Variants in NT5DC2 observed in about 807,000 individuals in gnomAD.
NT5DC2 encodes 5'-nucleotidase domain-containing protein 2.
In NT5DC2, 41 loss-of-function variants were observed where a neutral mutation model predicts 70.0. The ratio of observed to expected loss-of-function variants is 0.59; its 90% confidence interval spans 0.46 to 0.76. NT5DC2 has a LOEUF of 0.76. NT5DC2 is among the 30% of genes least tolerant of loss of function. The pLI, the probability that NT5DC2 is intolerant of heterozygous loss-of-function variation, is 0.00. For synonymous variants in NT5DC2, 299 were observed against 310.4 expected (o/e 0.96, Z 0.39); for missense variants, 705 against 783.2 (o/e 0.90, Z 1.19).
chr3:52,529,120 GTTTGTTGGT>G lies in NT5DC2; in HGVS notation c.417+21_417+29del. ...GGTCTGGCCAGCCTCCAAGCCCTGG[GTTTGTTGGT>G]GGCAAGGACCCCCGTCTCACCTTGT... On this transcript the variant is annotated intron_variant, in intron 2 of 13. Transcript: ENST00000422318. This position sits in a 1 kb window ranked among gnomAD's most constrained non-coding sequence, Gnocchi z 4.1. 1 of 1,613,424 alleles carries G rather than the reference GTTTGTTGGT, an allele frequency of 6.2e-7. No homozygotes were observed. Among genetic ancestry groups the G allele is most frequent in the Non-Finnish European group, 8.5e-7 (1 of 1,179,470 alleles).
upstream of NT5DC2, chr3:52,534,307 C>T: frequency 3.0e-6 from 2 of 663,574 alleles, no homozygotes; most frequent in Non-Finnish European, 5.3e-6. Context: ...TCTCTGGGCT[C>T]GGACTGACTG....
Position 52,533,807 on chromosome 3 carries a change from G to T in NT5DC2, c.-70C>A. On this transcript the variant is annotated 5_prime_UTR_variant, in exon 1 of 14. Transcript: ENST00000422318. ...CGCCGCCCGCCGCCCGCCGCCCTCC[G>T]ACTGCGCGCCCGCCACGGTGGCCTC... is the stretch of plus-strand genomic sequence containing the variant. 3 of 977,678 alleles carry T rather than the reference G, an allele frequency of 3.1e-6. No individual in the cohort carries two copies. In the South Asian group the frequency reaches 1.4e-4, roughly 45 times the overall value. The allele number at this position is 977,678 out of a possible 1,614,324, so 60.6% of individuals were successfully genotyped here. A position where few individuals can be genotyped will look rare whatever the true frequency, so the allele number is the denominator to read the frequency against.
intron 9 of NT5DC2, 88 bp downstream of exon 9, chr3:52,527,529 G>A: frequency 1.3e-6 from 2 of 1,500,394 alleles, no homozygotes; most frequent in Non-Finnish European, 1.8e-6. Context: ...GTGGGCAAGG[G>A]CCAGGTTGGC....
At position 52,533,789 on chromosome 3, in the gene NT5DC2, C is replaced by T; in HGVS notation, c.-52G>A. On this transcript the variant is annotated 5_prime_UTR_variant, in exon 1 of 14. Coordinates refer to ENST00000422318, the MANE Select transcript of NT5DC2 (RefSeq NM_001134231.2). ...CGCTGCCCTCGGCCAGCCCGCCGCC[C>T]GCCGCCCGCCGCCCTCCGACTGCGC... 1.0e-6 allele frequency: 1 copy of T among 974,386 alleles called. No homozygotes were observed. 60.4% of individuals were successfully genotyped at this position (974,386 alleles called of 1,614,324 possible).
chr3:52,524,504 G>T lies in NT5DC2; in HGVS notation c.1640C>A (p.Thr547Asn), dbSNP rs1575380581. ...GTGGGCCATGTCACCAAGGAAGGGG[G>T]TCTTCATGCAGCCGGTGCAGAGCTG... is the stretch of plus-strand genomic sequence containing the variant. ...MDQLCTGCMK[T>N]PFLGDMAHIR The change falls in exon 14 of 14, where the codon ACC (threonine) becomes AAC (asparagine). Residue 547 changes from threonine (T) to asparagine (N), a missense_variant. Coordinates refer to ENST00000422318, the MANE Select transcript of NT5DC2 (RefSeq NM_001134231.2). The T allele has an allele frequency of 6.2e-7, 1 of 1,612,952 alleles. No homozygotes were observed. The highest frequency in any genetic ancestry group is 8.5e-7 in the Non-Finnish European group (1 of 1,180,020).
At chr3:52,532,498 C>A in intron 1 of NT5DC2, 2 of 985,430 alleles carry the variant, frequency 2.0e-6, no homozygotes, top group Non-Finnish European at 2.4e-6. Context: ...TTCTCCGCCA[C>A]CCCACAAAGC....
intron 10 of NT5DC2, chr3:52,526,287 G>C (rs2079269391): frequency 6.6e-6 from 1 of 152,570 alleles, no homozygotes. Context: ...GGGAGGCAGA[G>C]AAGTGGGCAG....
chr3:52,533,470 G>A lies in NT5DC2; in HGVS notation c.232+36C>T, dbSNP rs756988048. On this transcript the variant is annotated intron_variant, in intron 1 of 13. Coordinates refer to ENST00000422318, the MANE Select transcript of NT5DC2 (RefSeq NM_001134231.2). ...GGTCCGTCCATCAGTCCACGCGGAA[G>A]ACACCCCGGCGCACGTCCCGCCCCG... 5 of 1,487,760 alleles carry A rather than the reference G, an allele frequency of 3.4e-6. No homozygotes were observed. In the South Asian group the frequency reaches 6.2e-5, roughly 18 times the overall value. 92.2% of individuals were successfully genotyped at this position (1,487,760 alleles called of 1,614,324 possible). A position where few individuals can be genotyped will look rare whatever the true frequency, so the allele number is the denominator to read the frequency against.
In NT5DC2 at chr3:52,529,360, A is replaced by G. The variant is rs1407499963; in HGVS notation, c.233-26T>C. 1 of 1,607,204 alleles carries G rather than the reference A, an allele frequency of 6.2e-7. No individual in the cohort carries two copies. Among genetic ancestry groups the G allele is most frequent in the Non-Finnish European group, 8.5e-7 (1 of 1,175,954 alleles). On this transcript the variant is annotated intron_variant, in intron 1 of 13. Transcript: ENST00000422318. This position sits in a 1 kb window ranked among gnomAD's most constrained non-coding sequence, Gnocchi z 4.1. ...CTAGAGGAAGGAGATGCAGGGAGGC[A>G]GTGATGGGGATGATGATCCCTGCAG...
In NT5DC2 at chr3:52,528,040, T is replaced by C; in HGVS notation, c.805A>G (p.Met269Val). 1 of 1,612,258 alleles carries C rather than the reference T, an allele frequency of 6.2e-7. No homozygotes were observed. Among genetic ancestry groups the C allele is most frequent in the Non-Finnish European group, 8.5e-7 (1 of 1,179,542 alleles). Residue 269 changes from methionine to valine, a missense_variant, in exon 7 of 14, where the codon ATG becomes GTG. Met to Val is a conservative substitution (Grantham distance 21). Coordinates refer to ENST00000422318, the MANE Select transcript of NT5DC2 (RefSeq NM_001134231.2). ...AIRDVHVKGL[M>V]YQWIEQDMEK... ...ATGTCCTGCTCGATCCACTGGTACA[T>C]GAGGCCCTTCACATGCACGTCTCGG...
chr3:52,534,621 T>A, upstream of NT5DC2: 1 of 1,613,904 alleles, frequency 6.2e-7, no homozygotes, highest in South Asian at 1.1e-5. Context: ...ACAAAATTCC[T>A]CTTTCCTGCG....
chr3:52,534,968 G>A (rs563573487), upstream of NT5DC2: 22 of 342,680 alleles, frequency 6.4e-5, no homozygotes, highest in Admixed American at 9.3e-4. Context: ...CTGGCCACAA[G>A]TGAACCTCCT....
At chr3:52,528,720 T>C (rs2079317981) in intron 3 of NT5DC2, 28 bp from the exon 4 acceptor site, 3 of 1,608,204 alleles carry the variant, frequency 1.9e-6, no homozygotes, top group East Asian at 4.5e-5. Flanking sequence ...GCAGGACGGA[T>C]GGTGAGGAGG....
intron 1 of NT5DC2, chr3:52,532,624 G>A: frequency 2.3e-6 from 1 of 438,376 alleles, no homozygotes; most frequent in South Asian, 9.6e-5. Flanking sequence ...CTCCTGCCCT[G>A]CTTGGCCTGG....
chr3:52,527,628 A>G lies in NT5DC2; in HGVS notation c.1026T>C (p.Thr342=). 6.2e-7 allele frequency: 1 copy of G among 1,612,872 alleles called. No homozygotes were observed. Among genetic ancestry groups the G allele is most frequent in the Non-Finnish European group, 8.5e-7 (1 of 1,179,948 alleles). The part of the protein sequence containing the change: ...IVQADKPSFF[T]DRRKPFRKLD... ...CACCATGCCCATACTTGCGCCGGTC[A>G]GTGAAGAAGCTGGGCTTGTCTGCCT... The change falls in exon 9 of 14, where the codon ACT becomes ACC. Residue 342 remains threonine, a synonymous_variant. Transcript: ENST00000422318.
Position 52,524,968 on chromosome 3 carries a change from T to C in NT5DC2, c.1342A>G (p.Met448Val). 1 of 1,612,004 alleles carries C rather than the reference T, an allele frequency of 6.2e-7. No individual in the cohort carries two copies. Among genetic ancestry groups the C allele is most frequent in the Non-Finnish European group, 8.5e-7 (1 of 1,179,712 alleles). Residue 448 changes from methionine (M) to valine (V), a missense_variant, in exon 12 of 14, where the codon ATG becomes GTG. Physicochemically the swap from Met to Val is conservative, Grantham distance 21. Transcript: ENST00000422318. ...QQALTGLLER[M>V]QTYQDAESRQ... is the part of the protein sequence containing the mutation. Reference sequence around the variant, plus strand: ...ACAGCCACCCCGGCCCACACCTGCATGCGCTCCAGCAGCCCCGTGAGCGCC... The same window carrying C: ...ACAGCCACCCCGGCCCACACCTGCACGCGCTCCAGCAGCCCCGTGAGCGCC...
rs779855497 is a variant in NT5DC2, at chr3:52,525,308, G to A, written c.1120-13C>T. 1 of 1,606,546 alleles carries A rather than the reference G, an allele frequency of 6.2e-7. No individual in the cohort carries two copies. Among genetic ancestry groups the A allele is most frequent in the Non-Finnish European group, 8.5e-7 (1 of 1,175,250 alleles). ...CAAACAGGTTTCCCTAGGGAGAGGAGGGGAATGCTGCTGAGCCAAGTGTGC... is the reference window on the plus strand; with the variant it reads ...CAAACAGGTTTCCCTAGGGAGAGGAAGGGAATGCTGCTGAGCCAAGTGTGC... On this transcript the variant is annotated splice_polypyrimidine_tract_variant and intron_variant, in intron 10 of 13. Coordinates refer to ENST00000422318, the MANE Select transcript of NT5DC2 (RefSeq NM_001134231.2).
chr3:52,525,214 G>C lies in NT5DC2; in HGVS notation c.1201C>G (p.Leu401Val). 4 of 1,611,962 alleles carry C rather than the reference G, an allele frequency of 2.5e-6. No individual in the cohort carries two copies. The highest frequency in any genetic ancestry group is 3.4e-6 in the Non-Finnish European group (4 of 1,179,698). Residue 401 changes from leucine (L) to valine (V), a missense_variant, in exon 11 of 14, where the codon CTG becomes GTG. By Grantham distance (32) the Leu-to-Val change is conservative. Transcript: ENST00000422318. ...LYFGDHLYSDLADLMLRHGWR... is the reference protein window; with the variant it reads ...LYFGDHLYSDVADLMLRHGWR... ...CCCAGCCCTGCCTCCCTCACCGCCA[G>C]ATCACTATAGAGGTGGTCCCCGAAG...
At position 52,529,840 on chromosome 3, in the gene NT5DC2, G is replaced by C. The variant is rs1311778399; in HGVS notation, c.233-506C>G. On this transcript the variant is annotated intron_variant, in intron 1 of 13. Coordinates refer to ENST00000422318, the MANE Select transcript of NT5DC2 (RefSeq NM_001134231.2). This position sits in a 1 kb window ranked among gnomAD's most constrained non-coding sequence, Gnocchi z 4.1. ...CTGCTCCTCTCAGCTGCCCTGCCCT[G>C]CCCCCTGGCCTCATCTCTCAGCCTC... 1.2e-5 allele frequency: 2 copies of C among 172,438 alleles called. No individual in the cohort carries two copies. The highest frequency in any genetic ancestry group is 2.5e-5 in the Non-Finnish European group (2 of 78,670). The allele number at this position is 172,438 out of a possible 1,614,324, so 10.7% of individuals were successfully genotyped here. A position where few individuals can be genotyped will look rare whatever the true frequency, so the allele number is the denominator to read the frequency against.
Sources: allele counts gnomAD v4.1 joint callset, GRCh38; gene constraint gnomAD v4.1.1; non-coding constraint Gnocchi (gnomAD v3.1); transcripts MANE v1.5; gene names NCBI Gene and HGNC (gene_info 2026-07-23, HGNC 2026-07-21).